FANCA: variants seen among roughly 807,000 people sequenced by gnomAD.
FANCA encodes the protein Fanconi anemia group A protein.
Under a neutral mutation model 194.3 loss-of-function variants are expected in FANCA, and 236 were observed. The observed-to-expected ratio is 1.21, with a 90% CI of 1.09 to 1.35. The LOEUF is 1.35. Ranked by LOEUF, FANCA falls within the 40% of genes most tolerant of loss-of-function variation. The pLI, the probability that FANCA is intolerant of heterozygous loss-of-function variation, is 0.00. For synonymous variants in FANCA, 1,014 were observed against 715.8 expected (o/e 1.42, Z -6.65); for missense variants, 2,628 against 1,813.9 (o/e 1.45, Z -8.15).
At chr16:89,783,752 A>T (rs1168981650) in intron 15 of FANCA, among the ~76,000 whole-genome samples, 1 of 152,004 alleles carries the variant, frequency 6.6e-6, no homozygotes, top group Non-Finnish European at 1.5e-5. Context: ...CAAAGGGGAC[A>T]GAGGGGACAC....
Position 89,805,859 on chromosome 16 carries a change from T to C in FANCA, c.597-467A>G, listed in dbSNP as rs1303291424. Among the ~76,000 whole-genome samples, 3 of 152,236 alleles carry C rather than the reference T, an allele frequency of 2.0e-5. No homozygotes were observed. The East Asian group carries it at 5.8e-4, about 29-fold the overall frequency. The stretch of plus-strand genomic sequence containing the variant: ...TAAATTCATTTGTGGTTAGAGAACA[T>C]ATTTTGAATGATTTCAGCCCTTCTA... On this transcript the variant is annotated intron_variant, in intron 6 of 42. Transcript: ENST00000389301.
intron 14 of FANCA, 136 bp from the exon 15 acceptor site, chr16:89,785,100 TGGAGA>T (rs1427077311): frequency 2.8e-6 from 2 of 720,944 alleles, no homozygotes; most frequent in African/African-American, 3.5e-5. Context: ...GTGTCCTGTG[TGGAGA>T]GAAGAGTGTG....
chr16:89,739,193 C>T lies in FANCA; in HGVS notation c.4107G>A (p.Val1369=). 6.2e-7 allele frequency: 1 copy of T among 1,614,170 alleles called. No individual in the cohort carries two copies. Among genetic ancestry groups the T allele is most frequent in the Non-Finnish European group, 8.5e-7 (1 of 1,180,048 alleles). Residue 1369 remains valine, a synonymous_variant, in exon 41 of 43, where the codon GTG becomes GTA. Coordinates refer to ENST00000389301, the MANE Select transcript of FANCA (RefSeq NM_000135.4). ...DMYLKLVQLF[V]AGDTSTVSPP... Reference sequence around the variant, plus strand: ...GTGAAACTGTGCTTGTATCCCCAGCCACGAAGAGCTGGACCAGCTTCAAGT... The same window carrying T: ...GTGAAACTGTGCTTGTATCCCCAGCTACGAAGAGCTGGACCAGCTTCAAGT...
intron 31 of FANCA, 72 bp downstream of exon 31, chr16:89,752,066 G>A (rs1041473353): frequency 2.2e-6 from 3 of 1,386,550 alleles, no homozygotes; most frequent in Non-Finnish European, 3.1e-6. Context: ...CACCGCGCCT[G>A]GCAATAAATA....
rs186709067 is a variant in FANCA, at chr16:89,763,933, A to G, written c.2778+957T>C. Among the ~76,000 whole-genome samples, 68 of 148,466 alleles carry G rather than the reference A, an allele frequency of 4.6e-4. 1 individual carries two copies. In the East Asian group the frequency reaches 0.013, roughly 29 times the overall value. On this transcript the variant is annotated intron_variant, in intron 28 of 42. Transcript: ENST00000389301. ...AAGACTCCACCAGAAAAAAAAAACAAAACAACAACAACAACAAAAAACAAG... is the reference window on the plus strand; with the variant it reads ...AAGACTCCACCAGAAAAAAAAAACAGAACAACAACAACAACAAAAAACAAG...
Position 89,737,563 on chromosome 16 carries a change from T to C in FANCA, c.*1038A>G. Reference sequence around the variant, plus strand: ...AGAATCTGTGGTTAAGGAAATAGCTTTCTGAGGTTTCTTTAAAAACCATCC... The same window carrying C: ...AGAATCTGTGGTTAAGGAAATAGCTCTCTGAGGTTTCTTTAAAAACCATCC... On this transcript the variant is annotated 3_prime_UTR_variant, in exon 43 of 43. Coordinates refer to ENST00000389301, the MANE Select transcript of FANCA (RefSeq NM_000135.4). 1.6e-6 allele frequency: 1 copy of C among 608,108 alleles called. No individual in the cohort carries two copies. Among genetic ancestry groups the C allele is most frequent in the African/African-American group, 1.9e-5 (1 of 53,992 alleles). The allele number at this position is 608,108 out of a possible 1,614,324, so 37.7% of individuals were successfully genotyped here. A position where few individuals can be genotyped will look rare whatever the true frequency, so the allele number is the denominator to read the frequency against.
chr16:89,773,130 G>A, intron 22 of FANCA, 141 bp downstream of exon 22: 1 of 723,606 alleles, frequency 1.4e-6, no homozygotes, highest in South Asian at 1.5e-5. Context: ...ACACCCGCCA[G>A]CCCGGGGTCA....
intron 14 of FANCA, among the ~76,000 whole-genome samples, chr16:89,790,672 T>C (rs1324079386): frequency 1.3e-5 from 2 of 150,936 alleles, no homozygotes; most frequent in East Asian, 1.9e-4. Context: ...GAGTTTGCAG[T>C]GAGCCGAGAA....
At chr16:89,777,279 G>C (rs2039541351) in intron 20 of FANCA, among the ~76,000 whole-genome samples, 1 of 152,172 alleles carries the variant, frequency 6.6e-6, no homozygotes, top group Non-Finnish European at 1.5e-5. Context: ...CTACTTGGGA[G>C]GCGGAGAGGG....
chr16:89,807,994 G>A (rs990997161), intron 6 of FANCA, among the ~76,000 whole-genome samples: 27 of 152,058 alleles, frequency 1.8e-4, no homozygotes, highest in African/African-American at 6.3e-4. Flanking sequence ...GGAGGTGGAG[G>A]TTGTAGTGAG....
At chr16:89,782,790 C>T (rs1598136244) in intron 17 of FANCA, 69 bp downstream of exon 17, 1 of 1,413,350 alleles carries the variant, frequency 7.1e-7, no homozygotes, top group South Asian at 1.2e-5. Flanking sequence ...ACTCAAGAGT[C>T]AAAAGAAACT....
intron 33 of FANCA, among the ~76,000 whole-genome samples, chr16:89,747,779 C>T (rs1239539409): frequency 1.3e-5 from 2 of 152,138 alleles, no homozygotes; most frequent in Non-Finnish European, 2.9e-5. Context: ...CCATCTCTCA[C>T]ATTTGTGCAT....
At chr16:89,770,095 C>A (rs374475937) in intron 25 of FANCA, 71 bp from the exon 26 acceptor site, 1 of 1,581,650 alleles carries the variant, frequency 6.3e-7, no homozygotes, top group Non-Finnish European at 8.6e-7. Context: ...GCACTGAAGA[C>A]GAATTGAGAA....
Position 89,770,019 on chromosome 16 carries a change from C to T in FANCA, c.2322G>A (p.Pro774=), listed in dbSNP as rs931091451. 21 of 1,613,262 alleles carry T rather than the reference C, an allele frequency of 1.3e-5. No homozygotes were observed. Among genetic ancestry groups the T allele is most frequent in the Admixed American group, 3.3e-5 (2 of 59,944 alleles). The change falls in exon 26 of 43, where the codon CCG becomes CCA. Residue 774 remains proline (P), a synonymous_variant. Transcript: ENST00000389301. Reference sequence around the variant, plus strand: ...CCAGCACATGTGGGGCACTCAGGCTCGGGCCCTGCAACGAGAATGAGGGTG... The same window carrying T: ...CCAGCACATGTGGGGCACTCAGGCTTGGGCCCTGCAACGAGAATGAGGGTG... ...RLCQLLRHQG[P]SLSAPHVLGL...
intron 22 of FANCA, among the ~76,000 whole-genome samples, chr16:89,772,663 C>G (rs1349630624): frequency 6.6e-6 from 1 of 151,810 alleles, no homozygotes; most frequent in African/African-American, 2.4e-5. Context: ...CTAAAAAATA[C>G]AAAAAATTAG....
At position 89,810,254 on chromosome 16, in the gene FANCA, T is replaced by G. The variant is rs534355498; in HGVS notation, c.522+453A>C. 6.9e-5 allele frequency among the ~76,000 whole-genome samples: 9 copies of G among 130,482 alleles called. 1 individual carries two copies. In the South Asian group the frequency reaches 2.2e-3, roughly 32 times the overall value. The allele number at this position is 130,482 out of a possible 152,430, so 85.6% of individuals were successfully genotyped here. A position where few individuals can be genotyped will look rare whatever the true frequency, so the allele number is the denominator to read the frequency against. On this transcript the variant is annotated intron_variant, in intron 5 of 42. Transcript: ENST00000389301. ...AGGAGAATGGCGTGAACCTGGGAGGTGGGGCTTGCAGTGAGCCAAGATCAC... is the reference window on the plus strand; with the variant it reads ...AGGAGAATGGCGTGAACCTGGGAGGGGGGGCTTGCAGTGAGCCAAGATCAC...
Position 89,740,925 on chromosome 16 carries a change from A to G in FANCA, c.3766-59T>C, listed in dbSNP as rs2062118157. The G allele has an allele frequency of 9.7e-6, 14 of 1,442,736 alleles. No homozygotes were observed. The East Asian group carries it at 3.4e-4, about 35-fold the overall frequency. The allele number at this position is 1,442,736 out of a possible 1,614,324, so 89.4% of individuals were successfully genotyped here. A position where few individuals can be genotyped will look rare whatever the true frequency, so the allele number is the denominator to read the frequency against. ...AAAATTACCTGTGCTGTCATTCTAA[A>G]TAAGGCTGACACATTCCTCTTTAAT... On this transcript the variant is annotated intron_variant, in intron 37 of 42. Transcript: ENST00000389301.
intron 31 of FANCA, among the ~76,000 whole-genome samples, chr16:89,751,741 G>C (rs1374660105): frequency 6.6e-6 from 1 of 152,156 alleles, no homozygotes; most frequent in African/African-American, 2.4e-5. Flanking sequence ...AAAGTACTGG[G>C]ATTACAAGCC....
In FANCA at chr16:89,748,655, C is replaced by T. The variant is rs1217286568; in HGVS notation, c.3348+4G>A. The stretch of plus-strand genomic sequence containing the variant: ...GGACGGACACGTGCACACGGGGCAC[C>T]TACCATCTCAGAGTTGACCAAGTGG... On this transcript the variant is annotated splice_donor_region_variant and intron_variant, in intron 33 of 42. Transcript: ENST00000389301. The T allele has an allele frequency of 6.2e-7, 1 of 1,611,898 alleles. No individual in the cohort carries two copies. The highest frequency in any genetic ancestry group is 1.3e-5 in the African/African-American group (1 of 75,024).
Sources: allele counts gnomAD v4.1 joint callset (sites outside exome capture counted in the v4.1 genomes callset), GRCh38; gene constraint gnomAD v4.1.1; transcripts MANE v1.5; gene names NCBI Gene and HGNC (gene_info 2026-07-23, HGNC 2026-07-21).